CLYBL: variants seen among roughly 807,000 people sequenced by gnomAD.
CLYBL encodes citramalyl-CoA lyase.
Under a neutral mutation model 38.9 loss-of-function variants are expected in CLYBL, and 31 were observed. The ratio of observed to expected loss-of-function variants is 0.80; its 90% CI spans 0.60 to 1.08. The LOEUF (loss-of-function observed/expected upper bound fraction) is 1.08. Among genes scored for constraint, CLYBL ranks in the 50% least tolerant of loss-of-function variants. The pLI, the probability that CLYBL is intolerant of heterozygous loss-of-function variation, is 0.00. For missense variants in CLYBL, 434 were observed against 411.6 expected (o/e 1.05, Z -0.47); for synonymous variants, 171 against 158.6 (o/e 1.08, Z -0.59).
At chr13:99,803,968 A>G (rs1290803209) in intron 2 of CLYBL, among the ~76,000 whole-genome samples, 1 of 152,192 alleles carries the variant, frequency 6.6e-6, no homozygotes, top group African/African-American at 2.4e-5. Flanking sequence ...CATGAACTAG[A>G]GAACAAGAAA....
At chr13:99,782,409 A>G (rs1175245307) in intron 2 of CLYBL, among the ~76,000 whole-genome samples, 4 of 152,100 alleles carry the variant, frequency 2.6e-5, no homozygotes, top group Non-Finnish European at 5.9e-5. Flanking sequence ...GGAGGCTAAG[A>G]CAGGAGAATT....
At chr13:99,743,105 C>T (rs2048786025) in intron 1 of CLYBL, among the ~76,000 whole-genome samples, 1 of 150,738 alleles carries the variant, frequency 6.6e-6, no homozygotes, top group Admixed American at 6.6e-5. Flanking sequence ...TGCTGCTGAC[C>T]AAATTTAAAA....
At chr13:99,903,444 G>A (rs1594257559) in intron 8 of CLYBL, among the ~76,000 whole-genome samples, 1 of 151,928 alleles carries the variant, frequency 6.6e-6, no homozygotes, top group South Asian at 2.1e-4. Context: ...ATGCACACAG[G>A]GAATTGTCAT....
intron 2 of CLYBL, among the ~76,000 whole-genome samples, chr13:99,779,421 C>T (rs997368086): frequency 3.9e-5 from 6 of 151,994 alleles, no homozygotes; most frequent in African/African-American, 1.2e-4. Context: ...ATTACAGGCG[C>T]GAGCCACCGT....
chr13:99,836,130 C>T (rs973679975), intron 2 of CLYBL, among the ~76,000 whole-genome samples: 2 of 152,092 alleles, frequency 1.3e-5, no homozygotes, highest in Admixed American at 6.5e-5. Context: ...TGGGATTTCT[C>T]CTGGCGCTGC....
At chr13:99,673,004 A>G (rs1461880327) in intron 1 of CLYBL, among the ~76,000 whole-genome samples, 1 of 152,176 alleles carries the variant, frequency 6.6e-6, no homozygotes, top group African/African-American at 2.4e-5. Context: ...CCATGAACAG[A>G]ACCAAAATCT....
intron 8 of CLYBL, 44 bp downstream of exon 8, chr13:99,891,481 A>G: frequency 9.0e-7 from 1 of 1,106,920 alleles, no homozygotes; most frequent in South Asian, 1.3e-5. Flanking sequence ...ACAAACCACA[A>G]TACTCAAAGC....
chr13:99,839,778 C>T (rs944151534), intron 2 of CLYBL, among the ~76,000 whole-genome samples: 13 of 152,072 alleles, frequency 8.5e-5, no homozygotes, highest in African/African-American at 2.4e-4. Context: ...AATCACATCA[C>T]GGAAAATGGG....
intron 2 of CLYBL, among the ~76,000 whole-genome samples, chr13:99,794,138 T>C (rs886552810): frequency 3.3e-5 from 5 of 152,194 alleles, no homozygotes; most frequent in Admixed American, 2.0e-4. Context: ...ATCAAATATG[T>C]GGCCAGGCGC....
intron 7 of CLYBL, among the ~76,000 whole-genome samples, chr13:99,889,409 G>A (rs996495309): frequency 2.6e-5 from 4 of 152,256 alleles, no homozygotes; most frequent in East Asian, 1.9e-4. Context: ...GGATTTCCAC[G>A]TAACGCCAAC....
At chr13:99,635,779 A>G (rs1566594848) in intron 1 of CLYBL, among the ~76,000 whole-genome samples, 1 of 152,202 alleles carries the variant, frequency 6.6e-6, no homozygotes, top group Non-Finnish European at 1.5e-5. Context: ...TACTGGCTGT[A>G]TGAGCTCAGG....
intron 7 of CLYBL, among the ~76,000 whole-genome samples, chr13:99,875,363 T>C (rs567732205): frequency 3.9e-4 from 60 of 152,354 alleles, no homozygotes; most frequent in Non-Finnish European, 7.1e-4. Context: ...AGAGTTTTTT[T>C]CCTTATGTAA....
rs146267813 is a variant in CLYBL, at chr13:99,800,335, C to T, written c.249+27325C>T. 5.3e-4 allele frequency among the ~76,000 whole-genome samples: 81 copies of T among 152,288 alleles called. 1 individual carries two copies. Among genetic ancestry groups the T allele is most frequent in the African/African-American group, 1.9e-3 (80 of 41,558 alleles). Reference sequence around the variant, plus strand: ...GAAATTTAAGGGAGAGTTCATTTCTCTCTGAATTTTACCTGAGGAGGTGAG... The same window carrying T: ...GAAATTTAAGGGAGAGTTCATTTCTTTCTGAATTTTACCTGAGGAGGTGAG... On this transcript the variant is annotated intron_variant, in intron 2 of 8. Coordinates refer to ENST00000339105, the MANE Select transcript of CLYBL (RefSeq NM_206808.5).
chr13:99,802,453 T>C (rs1199226430), intron 2 of CLYBL, among the ~76,000 whole-genome samples: 2 of 151,968 alleles, frequency 1.3e-5, no homozygotes, highest in African/African-American at 2.4e-5. Flanking sequence ...TTCACTTATT[T>C]TGGGGGGGTC....
At chr13:99,870,336 T>C (rs1283094133) in intron 6 of CLYBL, among the ~76,000 whole-genome samples, 1 of 152,166 alleles carries the variant, frequency 6.6e-6, no homozygotes, top group Non-Finnish European at 1.5e-5. Flanking sequence ...TCCAATTTTC[T>C]ATTGGGGGTT....
intron 6 of CLYBL, among the ~76,000 whole-genome samples, chr13:99,868,738 A>G (rs943801343): frequency 1.3e-4 from 20 of 152,346 alleles, no homozygotes; most frequent in African/African-American, 4.8e-4. Context: ...TTTTTTATAA[A>G]AAAGAAACCA....
intron 1 of CLYBL, among the ~76,000 whole-genome samples, chr13:99,622,387 T>C (rs1432448701): frequency 5.9e-5 from 9 of 152,268 alleles, no homozygotes; most frequent in African/African-American, 7.2e-5. Context: ...AGTTCCCTCA[T>C]TGCCTCTCAT....
At chr13:99,819,292 C>T (rs959500046) in intron 2 of CLYBL, among the ~76,000 whole-genome samples, 2 of 150,254 alleles carry the variant, frequency 1.3e-5, no homozygotes, top group African/African-American at 4.9e-5. Flanking sequence ...CTACAGTTAA[C>T]TATGATTATG....
At chr13:99,668,111 A>C (rs111947361) in intron 1 of CLYBL, among the ~76,000 whole-genome samples, 9 of 151,852 alleles carry the variant, frequency 5.9e-5, no homozygotes, top group African/African-American at 2.2e-4. Context: ...CTGTCTCTAC[A>C]TAAAATACAA....
Sources: gnomAD v4.1 joint callset for allele counts (sites outside exome capture counted in the v4.1 genomes callset) on GRCh38, gnomAD v4.1.1 for gene constraint, MANE v1.5 for transcripts, NCBI Gene and HGNC (gene_info 2026-07-23, HGNC 2026-07-21) for gene names.